Variants in BCL2L11 observed in about 807,000 individuals in gnomAD.
BCL2L11 encodes BCL2 like 11, also known as bcl-2-like protein 11.
BCL2L11 carries 15 observed loss-of-function variants against 20.6 expected under a neutral mutation model. The observed-to-expected ratio is 0.73, with a 90% CI of 0.49 to 1.12. The LOEUF (loss-of-function observed/expected upper bound fraction) is 1.12, where lower values mean the gene tolerates loss of function less well. BCL2L11 is among the 50% of genes most tolerant of loss of function. The pLI, the probability that BCL2L11 is intolerant of heterozygous loss-of-function variation, is 0.00. For synonymous variants in BCL2L11, 108 were observed against 92.8 expected, an observed-to-expected ratio of 1.16 and a Z score of -0.94; for missense variants, 292 against 260.9, an observed-to-expected ratio of 1.12 and a Z score of -0.82.
At chr2:111,147,433 C>A (rs1256375161) in intron 2 of BCL2L11, among the ~76,000 whole-genome samples, 1 of 151,406 alleles carries the variant, frequency 6.6e-6, no homozygotes, top group Non-Finnish European at 1.5e-5. Flanking sequence ...GTGTTTATAT[C>A]CATGAATTTA....
chr2:111,123,179 G>T (rs2071578096), intron 1 of BCL2L11: 2 of 985,350 alleles, frequency 2.0e-6, no homozygotes, highest in South Asian at 9.4e-5. Context: ...CGCCAGAGCC[G>T]GGCCGAGCCG....
chr2:111,121,517 G>A (rs914438380), intron 1 of BCL2L11, among the ~76,000 whole-genome samples: 3 of 152,328 alleles, frequency 2.0e-5, no homozygotes, highest in Admixed American at 6.5e-5. Context: ...GCCGGCCCGG[G>A]AGCTGAGGAC....
chr2:111,141,141 C>T (rs1036586143), intron 2 of BCL2L11, among the ~76,000 whole-genome samples: 1 of 152,302 alleles, frequency 6.6e-6, no homozygotes, highest in South Asian at 2.1e-4. Flanking sequence ...ATGGCCCTTC[C>T]GCAGTGGTCA....
intron 2 of BCL2L11, among the ~76,000 whole-genome samples, chr2:111,133,571 T>G (rs1338868376): frequency 6.6e-6 from 1 of 152,192 alleles, no homozygotes; most frequent in Non-Finnish European, 1.5e-5. Flanking sequence ...TCTGTTATGG[T>G]CAGAGAGCAT....
At chr2:111,128,659 C>G in intron 2 of BCL2L11, 3 of 1,541,296 alleles carry the variant, frequency 1.9e-6, no homozygotes, top group Admixed American at 2.0e-5. Context: ...TGATCTTTCA[C>G]TGTGCTTTGG....
chr2:111,159,004 G>T (rs887442278), intron 3 of BCL2L11, among the ~76,000 whole-genome samples: 2 of 152,230 alleles, frequency 1.3e-5, no homozygotes, highest in African/African-American at 2.4e-5. Context: ...TTGGAGCATG[G>T]ATGAGTGGGC....
In BCL2L11 at chr2:111,123,493, A is replaced by G. The variant is rs1019357657; in HGVS notation, c.-13-240A>G. The G allele has an allele frequency of 5.1e-6, 5 of 985,344 alleles. No individual in the cohort carries two copies. The East Asian group carries it at 4.5e-4, about 89-fold the overall frequency. The allele number at this position is 985,344 out of a possible 1,614,324, so 61.0% of individuals were successfully genotyped here. A position where few individuals can be genotyped will look rare whatever the true frequency, so the allele number is the denominator to read the frequency against. Reference sequence around the variant, plus strand: ...CTGGAAACGCATGTGTGTGTGCACCAGTTCCGCAAGCTGTTGACATTGTTA... The same window carrying G: ...CTGGAAACGCATGTGTGTGTGCACCGGTTCCGCAAGCTGTTGACATTGTTA... On this transcript the variant is annotated intron_variant, in intron 1 of 3. Transcript: ENST00000393256.
At chr2:111,147,390 A>ACACACACACACACACACACC (rs1039299406) in intron 2 of BCL2L11, among the ~76,000 whole-genome samples, 2 of 138,254 alleles carry the variant, frequency 1.4e-5, no homozygotes, top group East Asian at 2.2e-4. Context: ...ACACACACAC[A>ACACACACACACACACACACC]CCCGCCATTT....
At chr2:111,147,279 C>T (rs1010415966) in intron 2 of BCL2L11, among the ~76,000 whole-genome samples, 5 of 148,896 alleles carry the variant, frequency 3.4e-5, no homozygotes, top group Non-Finnish European at 4.5e-5. Flanking sequence ...GTTGGGAAAC[C>T]GTCTGCACCA....
In BCL2L11 at chr2:111,167,467, CAAAA is replaced by C. The variant is rs372197396; in HGVS notation, c.*3240_*3243del. 3 of 152,126 alleles carry C rather than the reference CAAAA, an allele frequency of 2.0e-5. No homozygotes were observed. The highest frequency in any genetic ancestry group is 7.2e-5 in the African/African-American group (3 of 41,404). 9.4% of individuals were successfully genotyped at this position (152,126 alleles called of 1,614,324 possible). A position where few individuals can be genotyped will look rare whatever the true frequency, so the allele number is the denominator to read the frequency against. ...ACTCCAGGCTTTATCTTTAGGAAAA[CAAAA>C]AAACCAAAGTATTATCAGCAGGTGG... On this transcript the variant is annotated 3_prime_UTR_variant, in exon 4 of 4. Transcript: ENST00000393256.
rs571824830 is a variant in BCL2L11, at chr2:111,135,792, T to G, written c.394+11653T>G. On this transcript the variant is annotated intron_variant, in intron 2 of 3. Transcript: ENST00000393256. ...TCATGTCAACTAACTAACCCCACCT[T>G]GTACCCACCCGTTGCTGTTTAGTAG... Among the ~76,000 whole-genome samples the G allele has an allele frequency of 1.3e-4, 20 of 152,298 alleles. No individual in the cohort carries two copies. The East Asian group carries it at 3.9e-3, about 29-fold the overall frequency.
intron 3 of BCL2L11, among the ~76,000 whole-genome samples, chr2:111,160,685 A>G (rs1047851216): frequency 6.6e-6 from 1 of 152,216 alleles, no homozygotes; most frequent in African/African-American, 2.4e-5. Flanking sequence ...CTGCGTAGAG[A>G]AAGTGAGAGA....
At chr2:111,124,338 T>A (rs2071998544) in intron 2 of BCL2L11, among the ~76,000 whole-genome samples, 199 bp downstream of exon 2, 1 of 151,864 alleles carries the variant, frequency 6.6e-6, no homozygotes, top group African/African-American at 2.4e-5. Flanking sequence ...TCGCCCAGGC[T>A]GGAGTGCAGT....
At chr2:111,150,349 C>A (rs960765491) in intron 3 of BCL2L11, 2 of 1,037,574 alleles carry the variant, frequency 1.9e-6, no homozygotes, top group Admixed American at 2.8e-5. Flanking sequence ...TAAAATAATA[C>A]AGTAGGAGGC....
chr2:111,147,384 A>ACC (rs1559064724), intron 2 of BCL2L11, among the ~76,000 whole-genome samples: 258 of 148,196 alleles, frequency 1.7e-3, no homozygotes, highest in African/African-American at 6.1e-3. Context: ...ACACACACAC[A>ACC]CACACACCCG....
chr2:111,141,140 C>G (rs1387216553), intron 2 of BCL2L11, among the ~76,000 whole-genome samples: 3 of 152,214 alleles, frequency 2.0e-5, no homozygotes, highest in African/African-American at 4.8e-5. Flanking sequence ...CATGGCCCTT[C>G]CGCAGTGGTC....
intron 3 of BCL2L11, 57 bp from the exon 4 acceptor site, chr2:111,164,075 AC>A: frequency 1.8e-5 from 10 of 564,530 alleles, no homozygotes; most frequent in South Asian, 1.4e-4. Context: ...ATGGGCTCCC[AC>A]CCCTCCCCAC....
intron 2 of BCL2L11, among the ~76,000 whole-genome samples, chr2:111,126,450 G>A (rs2072639815): frequency 6.6e-6 from 1 of 152,130 alleles, no homozygotes. Flanking sequence ...GAGAAGTTAC[G>A]AGGAGTTTGT....
intron 2 of BCL2L11, among the ~76,000 whole-genome samples, chr2:111,136,934 G>A (rs74934365): frequency 6.6e-6 from 1 of 152,202 alleles, no homozygotes; most frequent in Admixed American, 6.5e-5. Context: ...AGATTTAGCT[G>A]TGATCCAGGC....
Sources: gnomAD v4.1 joint callset for allele counts (sites outside exome capture counted in the v4.1 genomes callset) on GRCh38, gnomAD v4.1.1 for gene constraint, MANE v1.5 for transcripts, NCBI Gene and HGNC (gene_info 2026-07-23, HGNC 2026-07-21) for gene names.